Variants in PECR observed in about 807,000 individuals in gnomAD.
PECR encodes the protein 2,4-dienoyl-CoA reductase-related protein.
In PECR, 30 loss-of-function variants were observed where a neutral mutation model predicts 35.3. That is an observed-to-expected ratio of 0.85 (90% CI 0.64 to 1.15). The LOEUF is 1.15. PECR is among the 50% of genes most tolerant of loss of function. PECR has a pLI of 0.00. For synonymous variants in PECR, 148 were observed against 138.9 expected (o/e 1.07, Z -0.46); for missense variants, 392 against 370.8 (o/e 1.06, Z -0.47).
intron 1 of PECR, among the ~76,000 whole-genome samples, chr2:216,073,144 T>G (rs554060785): frequency 6.6e-6 from 1 of 152,198 alleles, no homozygotes; most frequent in Non-Finnish European, 1.5e-5. Context: ...ATTTAATTTA[T>G]CAAAATATAT....
rs1414612073 is a variant in PECR at position 216,038,982 on chromosome 2, CATT to C, written c.*290_*292del. 1.7e-5 allele frequency: 5 copies of C among 301,560 alleles called. No individual in the cohort carries two copies. Among genetic ancestry groups the C allele is most frequent in the Non-Finnish European group, 3.2e-5 (5 of 156,242 alleles). 18.7% of individuals were successfully genotyped at this position (301,560 alleles called of 1,614,324 possible). A position where few individuals can be genotyped will look rare whatever the true frequency, so the allele number is the denominator to read the frequency against. On this transcript the variant is annotated 3_prime_UTR_variant, in exon 8 of 8. Coordinates refer to ENST00000265322, the MANE Select transcript of PECR (RefSeq NM_018441.6). ...GGGAGTTCATGATCCCTAGAATTAT[CATT>C]GATTTAAAATTATTCCATTTTTCAA...
At chr2:216,044,685 G>C in intron 6 of PECR, among the ~76,000 whole-genome samples, 1 of 152,028 alleles carries the variant, frequency 6.6e-6, no homozygotes, top group East Asian at 1.9e-4. Flanking sequence ...GGCAGAGTGA[G>C]ACTCCATTTC....
At chr2:216,030,528 T>C (rs1232110493) in intron 7 of PECR, among the ~76,000 whole-genome samples, 2 of 151,926 alleles carry the variant, frequency 1.3e-5, no homozygotes, top group Non-Finnish European at 2.9e-5. Flanking sequence ...ATGCTAGCTA[T>C]TGTTACCCAA....
chr2:216,068,247 A>C (rs1003978173), intron 1 of PECR, among the ~76,000 whole-genome samples: 3 of 150,350 alleles, frequency 2.0e-5, no homozygotes, highest in Non-Finnish European at 2.9e-5. Flanking sequence ...AAAAAAAAAA[A>C]ACCGGAACCA....
intron 6 of PECR, among the ~76,000 whole-genome samples, chr2:216,046,942 A>G (rs1430538093): frequency 6.6e-6 from 1 of 152,238 alleles, no homozygotes; most frequent in African/African-American, 2.4e-5. Context: ...GTTTCAGAAA[A>G]TAACACAGAG....
chr2:216,074,432 G>GAAAGAAAGAA (rs1294732304), intron 1 of PECR, among the ~76,000 whole-genome samples: 10 of 144,356 alleles, frequency 6.9e-5, no homozygotes, highest in African/African-American at 2.6e-4. Context: ...ACTGTGTCAA[G>GAAAGAAAGAA]AAAGAAAGAA....
chr2:216,051,236 C>T (rs1381372735), intron 5 of PECR, among the ~76,000 whole-genome samples: 1 of 139,104 alleles, frequency 7.2e-6, no homozygotes, highest in African/African-American at 2.8e-5. Context: ...TAGTGAGCCA[C>T]GATCATGCCA....
intron 6 of PECR, among the ~76,000 whole-genome samples, chr2:216,046,835 T>C (rs1695006617): frequency 1.3e-5 from 2 of 152,214 alleles, no homozygotes; most frequent in South Asian, 4.1e-4. Context: ...CATGATTATA[T>C]TCATAATGTT....
intron 1 of PECR, among the ~76,000 whole-genome samples, chr2:216,071,445 C>CA (rs763923162): frequency 0.012 from 1,732 of 149,612 alleles, 35 homozygotes; most frequent in African/African-American, 0.039. Flanking sequence ...AACAGTATAG[C>CA]AAAGAAAAAA....
intron 1 of PECR, among the ~76,000 whole-genome samples, chr2:216,067,264 G>A (rs1695485282): frequency 6.6e-6 from 1 of 152,170 alleles, no homozygotes; most frequent in Non-Finnish European, 1.5e-5. Flanking sequence ...ATCTTCACCT[G>A]AGTACCAATC....
intron 7 of PECR, among the ~76,000 whole-genome samples, chr2:216,031,691 G>GAAAGAAAGAGAAAGAAAGAAAGAAAGAA (rs1473248845): frequency 3.1e-4 from 19 of 61,156 alleles, no homozygotes; most frequent in African/African-American, 9.0e-4. Flanking sequence ...AAGAAAGAAA[G>GAAAGAAAGAGAAAGAAAGAAAGAAAGAA]AGAAAGAAAG....
chr2:216,049,231 C>G (rs761694239), intron 6 of PECR, 32 bp downstream of exon 6: 1 of 1,020,876 alleles, frequency 9.8e-7, no homozygotes, highest in South Asian at 1.3e-5. Flanking sequence ...TAACACACAG[C>G]AATTCTAATC....
intron 3 of PECR, chr2:216,064,151 TAGA>T (rs1249426891): frequency 6.6e-6 from 1 of 152,228 alleles, no homozygotes; most frequent in Non-Finnish European, 1.5e-5. Context: ...ATTTGCCTGT[TAGA>T]AGGAGTGAAA....
At chr2:216,056,550 G>A (rs1966583) in intron 4 of PECR, among the ~76,000 whole-genome samples, 103,893 of 151,440 alleles carry the variant, frequency 0.69, 35,889 homozygotes, top group Admixed American at 0.73. Flanking sequence ...GTGAAACCCC[G>A]TCTCTACTAA....
chr2:216,055,441 AAAAAAAAAC>A (rs779659072), intron 4 of PECR, among the ~76,000 whole-genome samples: 5,189 of 150,986 alleles, frequency 0.034, 106 homozygotes, highest in Non-Finnish European at 0.041. Flanking sequence ...CCATCTCAAA[AAAAAAAAAC>A]AAAAAAACAA....
chr2:216,063,609 C>T (rs1467412122), intron 3 of PECR, among the ~76,000 whole-genome samples: 1 of 151,742 alleles, frequency 6.6e-6, no homozygotes, highest in Non-Finnish European at 1.5e-5. Context: ...CAGAGCGAGA[C>T]TCTGTCTCAA....
chr2:216,075,888 A>G (rs1014689859), intron 1 of PECR, among the ~76,000 whole-genome samples: 8 of 152,208 alleles, frequency 5.3e-5, no homozygotes, highest in South Asian at 2.1e-4. Flanking sequence ...CATTTTATCT[A>G]CTATACCTAA....
At chr2:216,073,049 G>C (rs1209519072) in intron 1 of PECR, among the ~76,000 whole-genome samples, 1 of 152,182 alleles carries the variant, frequency 6.6e-6, no homozygotes, top group Non-Finnish European at 1.5e-5. Context: ...GGAAATTCTC[G>C]TGTGCAATCT....
rs575642072 is a variant in PECR at position 216,033,322 on chromosome 2, G to A, written c.*440+5869C>T. Among the ~76,000 whole-genome samples, 38 of 152,094 alleles carry A rather than the reference G, an allele frequency of 2.5e-4. No homozygotes were observed. The South Asian group carries it at 5.8e-3, about 23-fold the overall frequency. On this transcript the variant is annotated intron_variant and NMD_transcript_variant, in intron 7 of 7. Coordinates refer to the PECR transcript ENST00000442122. ...ATAACAACTGCCATGCCATTATCAC[G>A]TTGAATAAAATGACCAGTAATTTTG...
Sources: allele counts gnomAD v4.1 joint callset (sites outside exome capture counted in the v4.1 genomes callset), GRCh38; gene constraint gnomAD v4.1.1; transcripts MANE v1.5; gene names NCBI Gene and HGNC (gene_info 2026-07-23, HGNC 2026-07-21).